Variants in ITGA8 observed in about 807,000 individuals in gnomAD.
ITGA8 encodes integrin subunit alpha 8, also known as integrin alpha-8.
ITGA8 carries 91 observed loss-of-function variants against 142.3 expected under a neutral mutation model. The ratio of observed to expected loss-of-function variants is 0.64; its 90% CI spans 0.54 to 0.76. ITGA8 has a LOEUF of 0.76. ITGA8 is among the 30% of genes least tolerant of loss of function. The pLI is 0.00. For synonymous variants in ITGA8, 505 were observed against 485.2 expected, an observed-to-expected ratio of 1.04 and a Z score of -0.54; for missense variants, 1,406 against 1,327.7, an observed-to-expected ratio of 1.06 and a Z score of -0.92.
At chr10:15,715,649 G>C (rs924484310) in intron 2 of ITGA8, among the ~76,000 whole-genome samples, 2 of 152,228 alleles carry the variant, frequency 1.3e-5, no homozygotes, top group Admixed American at 6.5e-5. Flanking sequence ...ACATAGTAGC[G>C]ATCTGTAAAT....
At chr10:15,627,689 G>T (rs1014056075) in intron 13 of ITGA8, among the ~76,000 whole-genome samples, 1 of 152,196 alleles carries the variant, frequency 6.6e-6, no homozygotes, top group Non-Finnish European at 1.5e-5. Context: ...GATGGCACAG[G>T]CCTGGGTCTG....
chr10:15,694,956 A>T (rs1247598992), intron 2 of ITGA8, among the ~76,000 whole-genome samples: 2 of 152,066 alleles, frequency 1.3e-5, no homozygotes, highest in East Asian at 3.9e-4. Flanking sequence ...GAGTTAAAGG[A>T]GATCGCAGAA....
rs999014231 is a variant in ITGA8 at position 15,615,082 on chromosome 10, C to T, written c.1446-1315G>A. 3.9e-5 allele frequency among the ~76,000 whole-genome samples: 6 copies of T among 152,284 alleles called. No individual in the cohort carries two copies. The South Asian group carries it at 6.2e-4, about 16-fold the overall frequency. On this transcript the variant is annotated intron_variant, in intron 14 of 29. Coordinates refer to ENST00000378076, the MANE Select transcript of ITGA8 (RefSeq NM_003638.3). ...AGTTCCATGTCTTGCAAAAACAGGC[C>T]TGCATTTGTGTTCTTGTTGTGTCCG...
chr10:15,556,547 C>G (rs951082476), intron 26 of ITGA8, among the ~76,000 whole-genome samples: 1 of 152,090 alleles, frequency 6.6e-6, no homozygotes, highest in African/African-American at 2.4e-5. Context: ...CTTGCTTTAT[C>G]CTTATTTTAT....
intron 8 of ITGA8, among the ~76,000 whole-genome samples, chr10:15,668,641 T>G (rs1214361371): frequency 1.3e-5 from 2 of 152,200 alleles, no homozygotes; most frequent in Admixed American, 6.5e-5. Context: ...TTGGCATGTT[T>G]TTGCAGTGGC....
In ITGA8 at chr10:15,519,296, T is replaced by C; in HGVS notation, c.3099A>G (p.Leu1033=). Residue 1033 remains leucine, a synonymous_variant, in exon 29 of 30, where the codon TTA becomes TTG. Transcript: ENST00000378076. ...LLVLAILTLA[L]WKCGFFDRAR... ...ACAAAGTAAATCAACTTACCTTCCA[T>C]AAAGCTAAGGTTAAAATGGCGAGAA... The C allele has an allele frequency of 1.2e-6, 2 of 1,613,514 alleles. No individual in the cohort carries two copies. Among genetic ancestry groups the C allele is most frequent in the East Asian group, 4.5e-5 (2 of 44,804 alleles).
At chr10:15,536,057 C>T (rs1207899281) in intron 27 of ITGA8, among the ~76,000 whole-genome samples, 1 of 151,908 alleles carries the variant, frequency 6.6e-6, no homozygotes, top group Non-Finnish European at 1.5e-5. Flanking sequence ...AAGGAAGAAA[C>T]TCTGAACACA....
chr10:15,687,601 T>C (rs892516889), intron 3 of ITGA8, among the ~76,000 whole-genome samples: 2 of 152,188 alleles, frequency 1.3e-5, no homozygotes, highest in East Asian at 1.9e-4. Context: ...AATAGTCCCA[T>C]TTTTCTGGTC....
chr10:15,566,647 C>T (rs1315656504), intron 25 of ITGA8, among the ~76,000 whole-genome samples: 2 of 151,658 alleles, frequency 1.3e-5, no homozygotes, highest in Non-Finnish European at 2.9e-5. Flanking sequence ...CGCATCTCTA[C>T]AAATAAATAC....
In ITGA8 at chr10:15,605,745, T is replaced by G. The variant is rs1833182929; in HGVS notation, c.1949A>C (p.Asp650Ala). ...TTACGGTCTAGCCGACAGCTTCAAG[T>G]CAGGAACACACAGATTGTCTTCTCC... ...DCGEDNLCVP[D>A]LKLSARPDKH... Residue 650 changes from aspartate (D) to alanine (A), a missense_variant, in exon 19 of 30, where the codon GAC becomes GCC. Transcript: ENST00000378076. 8.7e-6 allele frequency: 14 copies of G among 1,613,404 alleles called. No individual in the cohort carries two copies. Among genetic ancestry groups the G allele is most frequent in the Non-Finnish European group, 1.2e-5 (14 of 1,179,476 alleles).
chr10:15,531,115 A>T lies in ITGA8; in HGVS notation c.2917T>A (p.Ser973Thr), dbSNP rs990686037. The T allele has an allele frequency of 1.3e-6, 2 of 1,572,566 alleles. No individual in the cohort carries two copies. The highest frequency in any genetic ancestry group is 1.7e-6 in the Non-Finnish European group (2 of 1,164,106). Residue 973 changes from serine (S) to threonine (T), a missense_variant, in exon 28 of 30, where the codon TCC becomes ACC. Coordinates refer to ENST00000378076, the MANE Select transcript of ITGA8 (RefSeq NM_003638.3). ...NDPYALASLV[S>T]FEVKKMPYTD... ...TAAGGCATCTTCTTAACTTCAAAGG[A>T]CACCAGGGATGCAAGAGCATAGGGA...
chr10:15,687,799 CT>C, intron 3 of ITGA8, 138 bp downstream of exon 3: 2 of 555,384 alleles, frequency 3.6e-6, no homozygotes, highest in Non-Finnish European at 3.3e-6. Context: ...CATTTAGTTG[CT>C]TTTAAAATGC....
intron 13 of ITGA8, among the ~76,000 whole-genome samples, chr10:15,623,313 A>C (rs1833526378): frequency 6.6e-6 from 1 of 152,178 alleles, no homozygotes; most frequent in Admixed American, 6.5e-5. Flanking sequence ...TCCTGAACCC[A>C]CACTGGGCTC....
chr10:15,644,313 G>A, intron 12 of ITGA8, 92 bp from the exon 13 acceptor site: 1 of 1,227,750 alleles, frequency 8.1e-7, no homozygotes, highest in Non-Finnish European at 1.1e-6. Flanking sequence ...TGTCACCCAA[G>A]CTGGAGTGCA....
At chr10:15,541,155 G>A (rs1738615304) in intron 27 of ITGA8, among the ~76,000 whole-genome samples, 2 of 152,180 alleles carry the variant, frequency 1.3e-5, no homozygotes, top group Admixed American at 1.3e-4. Context: ...CAGGCAGCAG[G>A]TCCAGTTCAA....
At chr10:15,692,889 G>A (rs1834961004) in intron 2 of ITGA8, among the ~76,000 whole-genome samples, 2 of 152,182 alleles carry the variant, frequency 1.3e-5, no homozygotes, top group South Asian at 4.1e-4. Flanking sequence ...CCAATATGGT[G>A]AAACTGTGTC....
At chr10:15,601,067 G>A (rs1833096012) in intron 20 of ITGA8, among the ~76,000 whole-genome samples, 1 of 151,964 alleles carries the variant, frequency 6.6e-6, no homozygotes. Flanking sequence ...TGGTGAAACT[G>A]ATCTCTACTA....
At chr10:15,615,315 G>A (rs1484736190) in intron 14 of ITGA8, among the ~76,000 whole-genome samples, 1 of 152,158 alleles carries the variant, frequency 6.6e-6, no homozygotes, top group African/African-American at 2.4e-5. Flanking sequence ...GATATGGCTG[G>A]TACAAGTCAA....
intron 8 of ITGA8, among the ~76,000 whole-genome samples, chr10:15,670,160 A>G (rs1336818735): frequency 6.6e-6 from 1 of 152,236 alleles, no homozygotes; most frequent in African/African-American, 2.4e-5. Flanking sequence ...TTATTTGTGA[A>G]TTAAACCACT....
Sources: allele counts gnomAD v4.1 joint callset (sites outside exome capture counted in the v4.1 genomes callset), GRCh38; gene constraint gnomAD v4.1.1; transcripts MANE v1.5; gene names NCBI Gene and HGNC (gene_info 2026-07-23, HGNC 2026-07-21).